Variants in IVD observed in about 807,000 individuals in gnomAD.
The protein encoded by IVD is isovaleryl-CoA dehydrogenase.
A neutral mutation model predicts 51.3 loss-of-function variants in IVD; 31 were observed. That is an observed-to-expected ratio of 0.60 (90% CI 0.45 to 0.81). The LOEUF is 0.81. Ranked by LOEUF, IVD falls within the 40% of genes least tolerant of loss-of-function variation. The pLI is 0.00. For synonymous variants in IVD, 205 were observed against 219.4 expected (o/e 0.93, Z 0.58); for missense variants, 475 against 552.0 (o/e 0.86, Z 1.40).
chr15:40,413,899 G>GC (rs1248823900), intron 7 of IVD, among the ~76,000 whole-genome samples: 3 of 151,910 alleles, frequency 2.0e-5, no homozygotes, highest in South Asian at 2.1e-4. Context: ...CGCTCTTGTT[G>GC]CCCAGGGCTG....
downstream of IVD, among the ~76,000 whole-genome samples, chr15:40,423,847 G>A (rs752916233): frequency 3.9e-5 from 6 of 152,142 alleles, no homozygotes; most frequent in Non-Finnish European, 7.4e-5. Context: ...CCCTGTCCAC[G>A]GGCCAGTGTT....
downstream of IVD, among the ~76,000 whole-genome samples, chr15:40,425,966 AT>A (rs35191817): frequency 0.48 from 68,063 of 140,452 alleles, 17,213 homozygotes; most frequent in East Asian, 0.79. Context: ...CAGTCCGGCT[AT>A]TTTTTTTTTT....
intron 3 of IVD, 86 bp downstream of exon 3, chr15:40,408,076 G>T: frequency 2.2e-6 from 3 of 1,336,006 alleles, no homozygotes; most frequent in Non-Finnish European, 3.2e-6. Context: ...GGAAGGGAAA[G>T]ATTGTGCTTA....
chr15:40,426,487 G>A (rs1023248919), downstream of IVD, among the ~76,000 whole-genome samples: 5 of 149,646 alleles, frequency 3.3e-5, no homozygotes, highest in East Asian at 9.8e-4. Flanking sequence ...GCAGTGAGCC[G>A]AGATCACACC....
chr15:40,408,086 A>C lies in IVD; in HGVS notation c.286+96A>C, dbSNP rs1890660554. Reference sequence around the variant, plus strand: ...GGAAGGGAAGGGAAAGATTGTGCTTAAAGAAACCCAGAACTGCATCTTTTG... The same window carrying C: ...GGAAGGGAAGGGAAAGATTGTGCTTCAAGAAACCCAGAACTGCATCTTTTG... On this transcript the variant is annotated intron_variant, in intron 3 of 11. Transcript: ENST00000487418. 4 of 1,191,192 alleles carry C rather than the reference A, an allele frequency of 3.4e-6. No homozygotes were observed. The East Asian group carries it at 9.4e-5, about 28-fold the overall frequency. The allele number at this position is 1,191,192 out of a possible 1,614,324, so 73.8% of individuals were successfully genotyped here.
rs759116078 is a variant in IVD, at chr15:40,415,425, C to T, written c.903C>T (p.His301=). The change falls in exon 9 of 12, where the codon CAC becomes CAT. Residue 301 remains histidine, a synonymous_variant. Coordinates refer to ENST00000487418, the MANE Select transcript of IVD (RefSeq NM_002225.5). ...GGCTCATGCAAGCGGTCCTGGACCA[C>T]ACCATTCCCTACCTGCACGTGAGGG... ...PLGLMQAVLD[H]TIPYLHVREA... 54 of 1,614,082 alleles carry T rather than the reference C, an allele frequency of 3.3e-5. No individual in the cohort carries two copies. Among genetic ancestry groups the T allele is most frequent in the Middle Eastern group, 3.3e-4 (2 of 6,084 alleles).
At position 40,420,286 on chromosome 15, in the gene IVD, G is replaced by A. The variant is rs1181906163; in HGVS notation, c.*2023G>A. 43 of 987,702 alleles carry A rather than the reference G, an allele frequency of 4.4e-5. No individual in the cohort carries two copies. The highest frequency in any genetic ancestry group is 5.1e-5 in the Non-Finnish European group (42 of 830,178). 61.2% of individuals were successfully genotyped at this position (987,702 alleles called of 1,614,324 possible). ...CCTGGCCGTGTGACCACCCACAGCT[G>A]ACTGGGCAGCAGGCACAGGCCCTAC... is the stretch of plus-strand genomic sequence containing the variant. On this transcript the variant is annotated 3_prime_UTR_variant, in exon 12 of 12. Transcript: ENST00000487418.
At chr15:40,415,885 C>T (rs1333564134) in intron 9 of IVD, among the ~76,000 whole-genome samples, 193 bp from the exon 10 acceptor site, 1 of 152,230 alleles carries the variant, frequency 6.6e-6, no homozygotes, top group African/African-American at 2.4e-5. Flanking sequence ...GGGTGTCATG[C>T]GGGCTGTGGA....
rs1255417710 is a variant in IVD, at chr15:40,412,996, G to A, written c.693G>A (p.Met231Ile). ...GITAFIVEKG[M>I]PGFSTSKKLD... ...ACCTTTTGTTTCCTGTAAAGGGTAT[G>A]CCTGGCTTTAGCACCTCTAAGAAGC... The change falls in exon 7 of 12, where the codon ATG becomes ATA. Residue 231 changes from methionine (M) to isoleucine (I), a missense_variant. Transcript: ENST00000487418. 6.2e-7 allele frequency: 1 copy of A among 1,613,676 alleles called. No homozygotes were observed. The highest frequency in any genetic ancestry group is 8.5e-7 in the Non-Finnish European group (1 of 1,179,682).
chr15:40,418,913 A>G lies in IVD; in HGVS notation c.*650A>G, dbSNP rs1892005705. The G allele has an allele frequency of 3.9e-6, 2 of 515,808 alleles. No homozygotes were observed. Among genetic ancestry groups the G allele is most frequent in the South Asian group, 2.2e-5 (1 of 44,858 alleles). The allele number at this position is 515,808 out of a possible 1,614,324, so 32.0% of individuals were successfully genotyped here. On this transcript the variant is annotated 3_prime_UTR_variant, in exon 12 of 12. Coordinates refer to ENST00000487418, the MANE Select transcript of IVD (RefSeq NM_002225.5). The stretch of plus-strand genomic sequence containing the variant: ...TTCAGGAGGCTGAGATGGGTGGATC[A>G]CCTGAGGTCAGGAGTTCAAGACCAG...
intron 7 of IVD, among the ~76,000 whole-genome samples, chr15:40,413,419 C>T (rs185650190): frequency 6.5e-4 from 99 of 152,158 alleles, no homozygotes; most frequent in African/African-American, 2.3e-3. Context: ...CATTAACTCA[C>T]GTTTTTGTAA....
Position 40,414,935 on chromosome 15 carries a change from G to A in IVD, c.831G>A (p.Met277Ile). 1 of 1,614,184 alleles carries A rather than the reference G, an allele frequency of 6.2e-7. No individual in the cohort carries two copies. The highest frequency in any genetic ancestry group is 1.1e-5 in the South Asian group (1 of 91,076). Residue 277 changes from methionine (M) to isoleucine (I), a missense_variant, in exon 8 of 12, where the codon ATG becomes ATA. Transcript: ENST00000487418. Reference sequence around the variant, plus strand: ...AGAATAAGGGTGTCTACGTGCTGATGAGTGGGCTGGACCTGGAGCGGCTGG... The same window carrying A: ...AGAATAAGGGTGTCTACGTGCTGATAAGTGGGCTGGACCTGGAGCGGCTGG... The part of the protein sequence containing the change: ...GHENKGVYVL[M>I]SGLDLERLVL...
intron 7 of IVD, chr15:40,414,427 TA>T (rs1891430004): frequency 4.8e-6 from 1 of 209,980 alleles, no homozygotes; most frequent in African/African-American, 2.2e-5. Flanking sequence ...CTTCTGTCAC[TA>T]GCTCTGAATG....
Position 40,418,738 on chromosome 15 carries a change from G to A in IVD, c.*475G>A. ...CTCCATGAATTGGAACTTGGTACAG[G>A]TTAAGTATCCCTAATCCTGAAATCT... is the stretch of plus-strand genomic sequence containing the variant. On this transcript the variant is annotated 3_prime_UTR_variant, in exon 12 of 12. Transcript: ENST00000487418. The A allele has an allele frequency of 9.0e-7, 1 of 1,106,782 alleles. No individual in the cohort carries two copies. The highest frequency in any genetic ancestry group is 1.1e-6 in the Non-Finnish European group (1 of 902,172). 68.6% of individuals were successfully genotyped at this position (1,106,782 alleles called of 1,614,324 possible).
intron 7 of IVD, among the ~76,000 whole-genome samples, chr15:40,433,187 C>T (rs892535731): frequency 1.3e-5 from 2 of 151,332 alleles, no homozygotes; most frequent in East Asian, 1.9e-4. Flanking sequence ...TGTTAAATGC[C>T]GTATGAAAAA....
downstream of IVD, among the ~76,000 whole-genome samples, chr15:40,425,200 A>G (rs575691022): frequency 6.6e-6 from 1 of 152,304 alleles, no homozygotes; most frequent in African/African-American, 2.4e-5. Flanking sequence ...GAGAGTATAT[A>G]CATGCACATA....
chr15:40,418,380 C>G lies in IVD; in HGVS notation c.*117C>G, dbSNP rs998548934. On this transcript the variant is annotated 3_prime_UTR_variant, in exon 12 of 12. Transcript: ENST00000487418. ...CCTCCTGCCCAGCTGCTCTTGTCAGCCCTCTGGCCTCTGGATGAGGTTGAG... is the reference window on the plus strand; with the variant it reads ...CCTCCTGCCCAGCTGCTCTTGTCAGGCCTCTGGCCTCTGGATGAGGTTGAG... 4 of 1,591,088 alleles carry G rather than the reference C, an allele frequency of 2.5e-6. No individual in the cohort carries two copies. The highest frequency in any genetic ancestry group is 3.4e-6 in the Non-Finnish European group (4 of 1,173,874).
chr15:40,410,227 C>G (rs1890917875), intron 3 of IVD, among the ~76,000 whole-genome samples: 1 of 152,182 alleles, frequency 6.6e-6, no homozygotes. Flanking sequence ...GGCTTTGTAT[C>G]TGTTCTTGGT....
downstream of IVD, among the ~76,000 whole-genome samples, chr15:40,428,692 G>C (rs975628084): frequency 2.0e-5 from 3 of 152,196 alleles, no homozygotes; most frequent in Non-Finnish European, 2.9e-5. Context: ...CTCCAAGGGG[G>C]CTGCAACCTC....
Sources: allele counts gnomAD v4.1 joint callset (sites outside exome capture counted in the v4.1 genomes callset), GRCh38; gene constraint gnomAD v4.1.1; transcripts MANE v1.5; gene names NCBI Gene and HGNC (gene_info 2026-07-23, HGNC 2026-07-21).